Variants in NKPD1 observed in about 807,000 individuals in gnomAD.
NKPD1 encodes NTPase KAP family P-loop domain containing 1.
A neutral mutation model predicts 42.2 loss-of-function variants in NKPD1; 37 were observed. The ratio of observed to expected loss-of-function variants is 0.88; its 90% CI spans 0.67 to 1.15. The LOEUF (loss-of-function observed/expected upper bound fraction) is 1.15, where lower values mean the gene tolerates loss of function less well. Among genes scored for constraint, NKPD1 ranks in the 50% most tolerant of loss-of-function variants. The pLI is 0.00. For synonymous variants in NKPD1, 552 were observed against 536.5 expected, an observed-to-expected ratio of 1.03 and a Z score of -0.40; for missense variants, 1,113 against 1,174.6, an observed-to-expected ratio of 0.95 and a Z score of 0.77.
At chr19:45,153,803 T>A in intron 4 of NKPD1, 28 bp from the exon 5 acceptor site, 9 of 1,422,232 alleles carry the variant, frequency 6.3e-6, no homozygotes, top group Non-Finnish European at 8.3e-6. Context: ...GGGAGCCGCG[T>A]GAGCCGCAGA....
rs117357090 is a variant in NKPD1 at position 45,160,736 on chromosome 19, G to A, written c.-72+189C>T. ...TGAAATCGCGGTGGTCCAATTTGGG[G>A]AGAGGCTCAGCAAACTCGGGCAAGA... is the stretch of plus-strand genomic sequence containing the variant. On this transcript the variant is annotated intron_variant, in intron 1 of 4. Coordinates refer to ENST00000686631, the MANE Select transcript of NKPD1 (RefSeq NM_198478.4). Among the ~76,000 whole-genome samples the A allele has an allele frequency of 2.0e-5, 3 of 152,050 alleles. No homozygotes were observed. The South Asian group carries it at 6.3e-4, about 32-fold the overall frequency.
At chr19:45,155,274 C>T (rs1192243969) in intron 4 of NKPD1, among the ~76,000 whole-genome samples, 3 of 151,956 alleles carry the variant, frequency 2.0e-5, no homozygotes, top group African/African-American at 7.3e-5. Context: ...GCCAAGATCG[C>T]ACCATTGCAC....
In NKPD1 at chr19:45,158,131, G is replaced by A. The variant is rs576572209; in HGVS notation, c.529+532C>T. On this transcript the variant is annotated intron_variant, in intron 3 of 4. Coordinates refer to ENST00000686631, the MANE Select transcript of NKPD1 (RefSeq NM_198478.4). The surrounding 1 kb of genome is among the most constrained non-coding windows in gnomAD (Gnocchi z 4.6). ...GTCTGTTGATCCCACTCCCCACTGTGCCCCTAGAACAGGGTCTGGCACGCT... is the reference window on the plus strand; with the variant it reads ...GTCTGTTGATCCCACTCCCCACTGTACCCCTAGAACAGGGTCTGGCACGCT... 6.6e-6 allele frequency among the ~76,000 whole-genome samples: 1 copy of A among 152,336 alleles called. No individual in the cohort carries two copies. The highest frequency in any genetic ancestry group is 1.5e-5 in the Non-Finnish European group (1 of 68,036).
Position 45,152,221 on chromosome 19 carries a change from A to T in NKPD1, c.2216T>A (p.Leu739Gln). ...FPFTVAEAQSLLRCTVNLDHS... is the reference protein window; with the variant it reads ...FPFTVAEAQSQLRCTVNLDHS... ...GTCCAGGTTGACCGTGCAGCGCAGC[A>T]GGCTCTGCGCCTCGGCCACGGTGAA... The change falls in exon 5 of 5, where the codon CTG (leucine) becomes CAG (glutamine). Residue 739 changes from leucine to glutamine, a missense_variant. Leu to Gln is a moderately radical substitution (Grantham distance 113, BLOSUM62 -2). Transcript: ENST00000686631. The T allele has an allele frequency of 6.2e-7, 1 of 1,603,256 alleles. No homozygotes were observed. Among genetic ancestry groups the T allele is most frequent in the Non-Finnish European group, 8.5e-7 (1 of 1,176,000 alleles).
Position 45,153,484 on chromosome 19 carries a change from A to AC in NKPD1, c.952dup (p.Val318GlyfsTer101). 1 of 1,555,720 alleles carries AC rather than the reference A, an allele frequency of 6.4e-7. No homozygotes were observed. The highest frequency in any genetic ancestry group is 1.2e-5 in the South Asian group (1 of 85,032). ...CCTGGTGGCCGGCTTGTTGCCCAGC[A>AC]CCGAGTACACGCTGAAGGGCAGTGC... On this transcript the variant is annotated frameshift_variant, in exon 5 of 5. Transcript: ENST00000686631. LOFTEE classifies it high-confidence loss of function.
chr19:45,161,986 A>AT (rs1555747545), upstream of NKPD1, among the ~76,000 whole-genome samples: 5 of 5,406 alleles, frequency 9.2e-4, no homozygotes, highest in African/African-American at 1.6e-3. Flanking sequence ...GCGACCTGGG[A>AT]CCCCGTCTCC....
upstream of NKPD1, among the ~76,000 whole-genome samples, chr19:45,161,436 C>T (rs1199248485): frequency 3.9e-5 from 6 of 152,320 alleles, no homozygotes; most frequent in African/African-American, 1.2e-4. Flanking sequence ...TTACCTGGCG[C>T]TGTTCTAAAT....
At chr19:45,156,820 C>A (rs1017561363) in intron 3 of NKPD1, among the ~76,000 whole-genome samples, 2 of 152,180 alleles carry the variant, frequency 1.3e-5, no homozygotes, top group Non-Finnish European at 1.5e-5. Flanking sequence ...TTCAGAGAGG[C>A]CTGGTGGGCT....
chr19:45,159,636 CCA>C (rs1568459338), intron 2 of NKPD1, among the ~76,000 whole-genome samples: 1 of 152,082 alleles, frequency 6.6e-6, no homozygotes, highest in Non-Finnish European at 1.5e-5. Context: ...TGAATCAGCC[CCA>C]GTGGGAGGGC....
chr19:45,160,940 C>T lies in NKPD1; in HGVS notation c.-87G>A, dbSNP rs1355594488. Among the ~76,000 whole-genome samples the T allele has an allele frequency of 5.9e-5, 9 of 152,090 alleles. No individual in the cohort carries two copies. The highest frequency in any genetic ancestry group is 1.3e-4 in the Non-Finnish European group (9 of 68,018). On this transcript the variant is annotated 5_prime_UTR_variant, in exon 1 of 5. The change creates a new upstream start codon in the 5' untranslated region. Transcript: ENST00000686631. ...CCACTCGTACCTGACGGTGGCCTCA[C>T]GGCCCCAGCTGCCTGCCCCACGAGC... is the stretch of plus-strand genomic sequence containing the variant.
At position 45,149,880 on chromosome 19, in the gene NKPD1, T is replaced by A. The variant is rs1203641580; in HGVS notation, c.*2058A>T. 1.3e-5 allele frequency: 2 copies of A among 152,128 alleles called. No homozygotes were observed. The highest frequency in any genetic ancestry group is 2.9e-5 in the Non-Finnish European group (2 of 68,026). 9.4% of individuals were successfully genotyped at this position (152,128 alleles called of 1,614,324 possible). On this transcript the variant is annotated 3_prime_UTR_variant, in exon 5 of 5. Coordinates refer to ENST00000686631, the MANE Select transcript of NKPD1 (RefSeq NM_198478.4). ...CTGTTGCTCCCCAGGGCCTCAAGGA[T>A]CCCGGATCAAGTGGGCAGATGGGGG...
intron 4 of NKPD1, among the ~76,000 whole-genome samples, chr19:45,155,450 G>A (rs1324453570): frequency 2.0e-5 from 3 of 152,234 alleles, no homozygotes; most frequent in Non-Finnish European, 4.4e-5. Context: ...TAGGGGCTTG[G>A]CAGGAGCCTG....
intron 3 of NKPD1, among the ~76,000 whole-genome samples, chr19:45,157,430 G>A (rs574126979): frequency 1.2e-4 from 19 of 152,268 alleles, no homozygotes; most frequent in African/African-American, 3.4e-4. Flanking sequence ...CATACTTTTC[G>A]AGGCAAGGTC....
Position 45,153,370 on chromosome 19 carries a change from C to T in NKPD1, c.1067G>A (p.Gly356Glu). The part of the protein sequence containing the change: ...ALLAALGLGV[G>E]LLYLSLGGHA... ...GCCGCCCAGTGACAAGTAGAGCAGC[C>T]CCACACCCAGGCCCAGCGCCGCCAG... The change falls in exon 5 of 5, where the codon GGG becomes GAG. Residue 356 changes from glycine to glutamate, a missense_variant. Physicochemically the swap from Gly to Glu is moderately conservative, Grantham distance 98 (BLOSUM62 -2). Coordinates refer to ENST00000686631, the MANE Select transcript of NKPD1 (RefSeq NM_198478.4). 1 of 1,566,712 alleles carries T rather than the reference C, an allele frequency of 6.4e-7. No individual in the cohort carries two copies. The highest frequency in any genetic ancestry group is 8.6e-7 in the Non-Finnish European group (1 of 1,159,124).
At position 45,153,633 on chromosome 19, in the gene NKPD1, G is replaced by A. The variant is rs918538162; in HGVS notation, c.804C>T (p.His268=). 1 of 1,583,172 alleles carries A rather than the reference G, an allele frequency of 6.3e-7. No homozygotes were observed. Among genetic ancestry groups the A allele is most frequent in the Admixed American group, 1.8e-5 (1 of 56,654 alleles). Residue 268 remains histidine (H), a synonymous_variant, in exon 5 of 5, where the codon CAC becomes CAT. Coordinates refer to ENST00000686631, the MANE Select transcript of NKPD1 (RefSeq NM_198478.4). ...GGAACTGCACGTTCCTGCGCCGCAGGTGCACCTCGGTGATGATGGGCTGCA... is the reference window on the plus strand; with the variant it reads ...GGAACTGCACGTTCCTGCGCCGCAGATGCACCTCGGTGATGATGGGCTGCA... The part of the protein sequence containing the change: ...VFLQPIITEV[H]LRRRNVQFLF...
At position 45,152,418 on chromosome 19, in the gene NKPD1, G is replaced by A. The variant is rs1968803657; in HGVS notation, c.2019C>T (p.Cys673=). The change falls in exon 5 of 5, where the codon TGC becomes TGT. Residue 673 remains cysteine, a synonymous_variant. Coordinates refer to ENST00000686631, the MANE Select transcript of NKPD1 (RefSeq NM_198478.4). ...WPCRLSWALQ[C]LEDRQQTGGA... ...CCCCGGTCTGCTGCCGGTCCTCCAGGCACTGCAGCGCCCAGCTCAGGCGGC... is the reference window on the plus strand; with the variant it reads ...CCCCGGTCTGCTGCCGGTCCTCCAGACACTGCAGCGCCCAGCTCAGGCGGC... 1 of 1,570,128 alleles carries A rather than the reference G, an allele frequency of 6.4e-7. No individual in the cohort carries two copies. The highest frequency in any genetic ancestry group is 1.2e-5 in the South Asian group (1 of 86,792).
At position 45,152,582 on chromosome 19, in the gene NKPD1, C is replaced by A. The variant is rs773112397; in HGVS notation, c.1855G>T (p.Val619Leu). The part of the protein sequence containing the change: ...DCLYEYVPDN[V>L]VSMRRIVNTV... Reference sequence around the variant, plus strand: ...TTGACGATGCGCCGCATGGACACCACGTTGTCGGGCACGTACTCGTAGAGG... The same window carrying A: ...TTGACGATGCGCCGCATGGACACCAAGTTGTCGGGCACGTACTCGTAGAGG... The change falls in exon 5 of 5, where the codon GTG becomes TTG. Residue 619 changes from valine to leucine, a missense_variant. Physicochemically the swap from Val to Leu is conservative, Grantham distance 32 (BLOSUM62 1). Transcript: ENST00000686631. The A allele has an allele frequency of 6.3e-7, 1 of 1,585,840 alleles. No individual in the cohort carries two copies. The highest frequency in any genetic ancestry group is 1.7e-5 in the Admixed American group (1 of 58,858).
chr19:45,154,127 C>A (rs1462381115), intron 4 of NKPD1, among the ~76,000 whole-genome samples: 1 of 152,068 alleles, frequency 6.6e-6, no homozygotes, highest in African/African-American at 2.4e-5. Context: ...TGGAGGGCAC[C>A]GGGAAGGTTC....
In NKPD1 at chr19:45,153,794, G is replaced by GGAGCCGCGT. The variant is rs1464471235; in HGVS notation, c.662-28_662-20dup. ...ATCAGCGCTGCGGGAAGGGAGCCCG[G>GGAGCCGCGT]GAGCCGCGTGAGCCGCAGACCCGCC... is the stretch of plus-strand genomic sequence containing the variant. On this transcript the variant is annotated intron_variant, in intron 4 of 4. Transcript: ENST00000686631. 12 of 1,432,142 alleles carry GGAGCCGCGT rather than the reference G, an allele frequency of 8.4e-6. No homozygotes were observed. Among genetic ancestry groups the GGAGCCGCGT allele is most frequent in the South Asian group, 2.9e-5 (2 of 68,908 alleles). 88.7% of individuals were successfully genotyped at this position (1,432,142 alleles called of 1,614,324 possible).
Sources: gnomAD v4.1 joint callset for allele counts (sites outside exome capture counted in the v4.1 genomes callset) on GRCh38, gnomAD v4.1.1 for gene constraint, Gnocchi (gnomAD v3.1) non-coding constraint, MANE v1.5 for transcripts, NCBI Gene and HGNC (gene_info 2026-07-23, HGNC 2026-07-21) for gene names.